TRIM26: variants seen among roughly 807,000 people sequenced by gnomAD.
TRIM26 encodes the protein tripartite motif-containing protein 26.
A neutral mutation model predicts 45.5 loss-of-function variants in TRIM26; 16 were observed. That is an observed-to-expected ratio of 0.35 (90% CI 0.24 to 0.53). TRIM26 has a LOEUF of 0.53. Ranked by LOEUF, TRIM26 falls within the 20% of genes least tolerant of loss-of-function variation. TRIM26 has a pLI of 0.92. For synonymous variants in TRIM26, 273 were observed against 290.4 expected (o/e 0.94, Z 0.61); for missense variants, 442 against 691.1 (o/e 0.64, Z 4.04).
At chr6:30,188,088 G>A (rs551034466) in intron 9 of TRIM26, among the ~76,000 whole-genome samples, 81 of 150,042 alleles carry the variant, frequency 5.4e-4, no homozygotes, top group Admixed American at 3.2e-3. Flanking sequence ...GCGAGGTGGC[G>A]GGCGCCTGTA....
intron 5 of TRIM26, among the ~76,000 whole-genome samples, chr6:30,197,118 T>C (rs1438134238): frequency 6.6e-6 from 1 of 152,118 alleles, no homozygotes; most frequent in Non-Finnish European, 1.5e-5. Flanking sequence ...TCCAGGAAGT[T>C]TTGCTTGATT....
chr6:30,203,128 C>T (rs956860017), intron 2 of TRIM26, among the ~76,000 whole-genome samples: 8 of 149,872 alleles, frequency 5.3e-5, no homozygotes, highest in African/African-American at 1.7e-4. Flanking sequence ...ACTGCAACCT[C>T]GGCCTCCCTG....
At chr6:30,187,144 G>A (rs1213862414) in intron 9 of TRIM26, 2 of 288,492 alleles carry the variant, frequency 6.9e-6, no homozygotes, top group Non-Finnish European at 6.9e-6. Context: ...CCCAATTACT[G>A]CACTGGGGTT....
intron 2 of TRIM26, among the ~76,000 whole-genome samples, chr6:30,203,145 G>A (rs1042498561): frequency 2.7e-5 from 4 of 149,650 alleles, no homozygotes; most frequent in African/African-American, 9.8e-5. Context: ...CCTGGCTCAA[G>A]CAATCTTCTC....
rs142601219 is a variant in TRIM26, at chr6:30,185,984, G to A, written c.1512C>T (p.Asn504=). 83 of 1,612,524 alleles carry A rather than the reference G, an allele frequency of 5.1e-5. No homozygotes were observed. The Middle Eastern group carries it at 6.6e-4, about 13-fold the overall frequency. Residue 504 remains asparagine, a synonymous_variant, in exon 10 of 10, where the codon AAC becomes AAT. Transcript: ENST00000454678. This position sits in a 1 kb window ranked among gnomAD's most constrained non-coding sequence, Gnocchi z 5.7. ...TGTAGATGAGTTCCTGTGACTCTGC[G>A]TTGGTGAAAGTCACGGTGCCCCCTT... ...DYEGGTVTFT[N]AESQELIYTF...
chr6:30,185,710 T>A lies in TRIM26; in HGVS notation c.*166A>T. Reference sequence around the variant, plus strand: ...AGGGCAGTAGATGGAGCAACAGCACTGAGTGAGATTTCAGGGGGCCACAGC... The same window carrying A: ...AGGGCAGTAGATGGAGCAACAGCACAGAGTGAGATTTCAGGGGGCCACAGC... On this transcript the variant is annotated 3_prime_UTR_variant, in exon 10 of 10. Coordinates refer to ENST00000454678, the MANE Select transcript of TRIM26 (RefSeq NM_003449.5). This position sits in a 1 kb window ranked among gnomAD's most constrained non-coding sequence, Gnocchi z 5.7. The A allele has an allele frequency of 4.0e-6, 3 of 746,258 alleles. No individual in the cohort carries two copies. Among genetic ancestry groups the A allele is most frequent in the Non-Finnish European group, 6.5e-6 (3 of 462,306 alleles). 46.2% of individuals were successfully genotyped at this position (746,258 alleles called of 1,614,324 possible). A position where few individuals can be genotyped will look rare whatever the true frequency, so the allele number is the denominator to read the frequency against.
chr6:30,210,048 T>C (rs1479906247), intron 1 of TRIM26, among the ~76,000 whole-genome samples: 2 of 151,172 alleles, frequency 1.3e-5, no homozygotes, highest in Admixed American at 6.6e-5. Flanking sequence ...CTACTAAAAA[T>C]ACAAAAATTA....
chr6:30,200,881 G>A (rs1242713132), intron 3 of TRIM26, among the ~76,000 whole-genome samples, 154 bp downstream of exon 3: 1 of 152,194 alleles, frequency 6.6e-6, no homozygotes, highest in Non-Finnish European at 1.5e-5. Context: ...AAATCTAGGA[G>A]AGAACCCACA....
chr6:30,202,459 G>A (rs1777280057), intron 2 of TRIM26, among the ~76,000 whole-genome samples: 1 of 152,208 alleles, frequency 6.6e-6, no homozygotes, highest in African/African-American at 2.4e-5. Context: ...TAGTACCCAT[G>A]GTGCCAAAGC....
rs985514143 is a variant in TRIM26 at position 30,184,813 on chromosome 6, G to A, written c.*1063C>T. 2.0e-5 allele frequency: 3 copies of A among 153,028 alleles called. No individual in the cohort carries two copies. Among genetic ancestry groups the A allele is most frequent in the Admixed American group, 6.5e-5 (1 of 15,294 alleles). 9.5% of individuals were successfully genotyped at this position (153,028 alleles called of 1,614,324 possible). On this transcript the variant is annotated 3_prime_UTR_variant, in exon 10 of 10. Transcript: ENST00000454678. ...GGAGCTTGTGTTAAACTGTGATGAT[G>A]AGGGGCACCTGGACAGAGGTTGGGT...
chr6:30,200,124 T>A (rs28360012), intron 3 of TRIM26, among the ~76,000 whole-genome samples: 17,536 of 151,942 alleles, frequency 0.12, 1,527 homozygotes, highest in African/African-American at 0.24. Flanking sequence ...AATTTAAAAA[T>A]TTTTTAAAAT....
At position 30,189,758 on chromosome 6, in the gene TRIM26, C is replaced by T. The variant is rs1234646269; in HGVS notation, c.789-225G>A. Reference sequence around the variant, plus strand: ...TCTGTCTACTAAGCCATGTTTCTAACCTCTCTGCTCTGTCCCACCTCAAAT... The same window carrying T: ...TCTGTCTACTAAGCCATGTTTCTAATCTCTCTGCTCTGTCCCACCTCAAAT... On this transcript the variant is annotated intron_variant, in intron 7 of 9. Coordinates refer to ENST00000454678, the MANE Select transcript of TRIM26 (RefSeq NM_003449.5). The surrounding 1 kb of genome is among the most constrained non-coding windows in gnomAD (Gnocchi z 5.0). 6 of 632,110 alleles carry T rather than the reference C, an allele frequency of 9.5e-6. No individual in the cohort carries two copies. The Admixed American group carries it at 1.4e-4, about 15-fold the overall frequency. 39.2% of individuals were successfully genotyped at this position (632,110 alleles called of 1,614,324 possible). A position where few individuals can be genotyped will look rare whatever the true frequency, so the allele number is the denominator to read the frequency against.
chr6:30,194,604 C>T (rs1397438436), intron 6 of TRIM26, among the ~76,000 whole-genome samples: 1 of 152,162 alleles, frequency 6.6e-6, no homozygotes, highest in Non-Finnish European at 1.5e-5. Flanking sequence ...GCCTGTAATC[C>T]CAGCACTGTG....
Position 30,196,581 on chromosome 6 carries a change from G to A in TRIM26, c.700C>T (p.Arg234Trp), listed in dbSNP as rs780272464. 6.8e-6 allele frequency: 11 copies of A among 1,612,814 alleles called. No homozygotes were observed. The highest frequency in any genetic ancestry group is 1.6e-4 in the Middle Eastern group (1 of 6,062). ...AGTTCGGAGATGACCAGGGCCAGCCGGGCAAGCTCCCCGACGCCCCGGCTC... is the reference window on the plus strand; with the variant it reads ...AGTTCGGAGATGACCAGGGCCAGCCAGGCAAGCTCCCCGACGCCCCGGCTC... ...FKSRGVGELARLALVISELEG... is the reference protein window; with the variant it reads ...FKSRGVGELAWLALVISELEG... Residue 234 changes from arginine to tryptophan, a missense_variant, in exon 6 of 10, where the codon CGG becomes TGG. By Grantham distance (101) the Arg-to-Trp change is moderately radical (BLOSUM62 -3). Transcript: ENST00000454678. The surrounding 1 kb of genome is among the most constrained non-coding windows in gnomAD (Gnocchi z 4.9).
chr6:30,208,448 G>T (rs1777932396), intron 1 of TRIM26, among the ~76,000 whole-genome samples: 1 of 151,670 alleles, frequency 6.6e-6, no homozygotes, highest in Non-Finnish European at 1.5e-5. Context: ...TTTAGACCTA[G>T]GTATACACCC....
chr6:30,187,263 C>A, intron 9 of TRIM26: 1 of 316,716 alleles, frequency 3.2e-6, no homozygotes, highest in South Asian at 3.1e-5. Context: ...CCTTTTCCTT[C>A]CAAGAATCTT....
At chr6:30,191,733 C>G (rs183326432) in intron 6 of TRIM26, among the ~76,000 whole-genome samples, 44 of 152,328 alleles carry the variant, frequency 2.9e-4, no homozygotes, top group Admixed American at 2.0e-3. Flanking sequence ...CCCAACCCCC[C>G]GCTATGAAGC....
Position 30,199,221 on chromosome 6 carries a change from C to T in TRIM26, c.-118G>A, listed in dbSNP as rs1776843342. 1.0e-6 allele frequency: 1 copy of T among 959,698 alleles called. No individual in the cohort carries two copies. The highest frequency in any genetic ancestry group is 2.7e-5 in the East Asian group (1 of 37,420). The allele number at this position is 959,698 out of a possible 1,614,324, so 59.4% of individuals were successfully genotyped here. A position where few individuals can be genotyped will look rare whatever the true frequency, so the allele number is the denominator to read the frequency against. ...GGCAAAGGTGGCAGCCTGCACAGGG[C>T]TGCCAGCTCCAGCACTCAGTCAATC... On this transcript the variant is annotated 5_prime_UTR_variant, in exon 4 of 10. Transcript: ENST00000454678.
In TRIM26 at chr6:30,198,824, G is replaced by C; in HGVS notation, c.280C>G (p.Arg94Gly). 1 of 1,612,296 alleles carries C rather than the reference G, an allele frequency of 6.2e-7. No individual in the cohort carries two copies. The highest frequency in any genetic ancestry group is 1.3e-5 in the African/African-American group (1 of 74,980). ...DKGRQPGEVT[R>G]EQQDAKLCER... is the part of the protein sequence containing the mutation. ...CACAACTTTGCATCCTGCTGCTCCC[G>C]GGTCACCTCTCCCGGCTGCCTGCCC... The change falls in exon 4 of 10, where the codon CGG becomes GGG. Residue 94 changes from arginine (R) to glycine (G), a missense_variant. Coordinates refer to ENST00000454678, the MANE Select transcript of TRIM26 (RefSeq NM_003449.5). This position sits in a 1 kb window ranked among gnomAD's most constrained non-coding sequence, Gnocchi z 6.3.
Sources: gnomAD v4.1 joint callset for allele counts (sites outside exome capture counted in the v4.1 genomes callset) on GRCh38, gnomAD v4.1.1 for gene constraint, Gnocchi (gnomAD v3.1) non-coding constraint, MANE v1.5 for transcripts, NCBI Gene and HGNC (gene_info 2026-07-23, HGNC 2026-07-21) for gene names.